Variants in SLC6A9 observed in about 807,000 individuals in gnomAD.
SLC6A9 encodes the protein sodium- and chloride-dependent glycine transporter 1.
In SLC6A9, 31 loss-of-function variants were observed where a neutral mutation model predicts 70.9. That is an observed-to-expected ratio of 0.44 (90% confidence interval 0.33 to 0.59). The LOEUF (loss-of-function observed/expected upper bound fraction) is 0.59, where lower values mean the gene tolerates loss of function less well. Ranked by LOEUF, SLC6A9 falls within the 20% of genes least tolerant of loss-of-function variation. The pLI, the probability that SLC6A9 is intolerant of heterozygous loss-of-function variation, is 0.04. For missense variants in SLC6A9, 631 were observed against 845.2 expected (o/e 0.75, Z 3.14); for synonymous variants, 310 against 341.3 (o/e 0.91, Z 1.01).
intron 12 of SLC6A9, among the ~76,000 whole-genome samples, chr1:43,999,048 T>G (rs1294001298): frequency 6.6e-6 from 1 of 151,684 alleles, no homozygotes; most frequent in African/African-American, 2.4e-5. Flanking sequence ...CAGGGCCATA[T>G]TCTAGAATGC....
chr1:44,027,557 C>A (rs2087004455), intron 1 of SLC6A9, among the ~76,000 whole-genome samples: 1 of 152,220 alleles, frequency 6.6e-6, no homozygotes, highest in Non-Finnish European at 1.5e-5. Context: ...ATTTATTCCA[C>A]AATATTGATT....
At chr1:44,011,648 T>C (rs2086575608) in intron 2 of SLC6A9, 3 of 1,613,798 alleles carry the variant, frequency 1.9e-6, no homozygotes, top group Admixed American at 1.7e-5. Context: ...GGACAGACTC[T>C]GCTAGGGAAG....
chr1:44,030,831 G>T (rs1156806732), intron 1 of SLC6A9, among the ~76,000 whole-genome samples: 1 of 152,140 alleles, frequency 6.6e-6, no homozygotes, highest in Non-Finnish European at 1.5e-5. Flanking sequence ...TGGAGCGAGC[G>T]GGAGCCCGCA....
At chr1:44,030,033 C>T (rs1186704099) in intron 1 of SLC6A9, among the ~76,000 whole-genome samples, 1 of 152,158 alleles carries the variant, frequency 6.6e-6, no homozygotes, top group Non-Finnish European at 1.5e-5. Context: ...AGCAAGCGTC[C>T]CGTCTCCTTT....
At chr1:44,011,386 C>T (rs2086563000) in intron 2 of SLC6A9, among the ~76,000 whole-genome samples, 1 of 151,868 alleles carries the variant, frequency 6.6e-6, no homozygotes, top group Admixed American at 6.5e-5. Flanking sequence ...GAGGTTAGAC[C>T]CCTCCCCCAG....
Position 44,010,819 on chromosome 1 carries a change from T to C in SLC6A9, c.94A>G (p.Asn32Asp). ...CTCGTCAGTACAAACTCGATCTGGTTGCCCCAGTTGCCCCGTTTGAGGTTC... is the reference window on the plus strand; with the variant it reads ...CTCGTCAGTACAAACTCGATCTGGTCGCCCCAGTTGCCCCGTTTGAGGTTC... ...DQNLKRGNWG[N>D]QIEFVLTSVG... The change falls in exon 3 of 14, where the codon AAC becomes GAC. Residue 32 changes from asparagine (N) to aspartate (D), a missense_variant. Transcript: ENST00000372310. 6.2e-7 allele frequency: 1 copy of C among 1,614,198 alleles called. No individual in the cohort carries two copies. The highest frequency in any genetic ancestry group is 8.5e-7 in the Non-Finnish European group (1 of 1,180,002).
At position 44,001,202 on chromosome 1, in the gene SLC6A9, C is replaced by T. The variant is rs765119311; in HGVS notation, c.1297G>A (p.Val433Met). The change falls in exon 10 of 14, where the codon GTG becomes ATG. Residue 433 changes from valine to methionine, a missense_variant. Val to Met is a conservative substitution (Grantham distance 21, BLOSUM62 1). Transcript: ENST00000372310. ...GGGATGCCCAGCAGGAAGCCAGCCA[C>T]AGCCACGCCCAAGGTCACATAGGTC... ...KKTYVTLGVA[V>M]AGFLLGIPLT... 1.3e-5 allele frequency: 21 copies of T among 1,614,246 alleles called. No homozygotes were observed. The highest frequency in any genetic ancestry group is 1.5e-5 in the Non-Finnish European group (18 of 1,180,050).
rs371854699 is a variant in SLC6A9 at position 44,020,401 on chromosome 1, C to T, written c.30+3847G>A. Among the ~76,000 whole-genome samples, 6 of 152,140 alleles carry T rather than the reference C, an allele frequency of 3.9e-5. 1 individual carries two copies. The highest frequency in any genetic ancestry group is 3.3e-4 in the Admixed American group (5 of 15,280). On this transcript the variant is annotated intron_variant, in intron 2 of 13. Coordinates refer to ENST00000372310, the MANE Select transcript of SLC6A9 (RefSeq NM_001024845.3). ...TACTAGGGGAGTACCCCGGGTATGT[C>T]GAATTCTGTGCCAGGTAAGGACCCA...
rs118038015 is a variant in SLC6A9 at position 44,000,708 on chromosome 1, G to C, written c.1536+59C>G. 981 of 1,146,926 alleles carry C rather than the reference G, an allele frequency of 8.6e-4. 14 individuals are homozygous for C. In the East Asian group the frequency reaches 0.018, roughly 21 times the overall value. 71.0% of individuals were successfully genotyped at this position (1,146,926 alleles called of 1,614,324 possible). On this transcript the variant is annotated intron_variant, in intron 12 of 13. Coordinates refer to ENST00000372310, the MANE Select transcript of SLC6A9 (RefSeq NM_001024845.3). ...CCACTGTCCCTCCGCTGGGTCCCAA[G>C]AGATGGACACATGGCCAAGGGGCAG...
Position 44,002,225 on chromosome 1 carries a change from C to A in SLC6A9, c.962+88G>T. 3.3e-6 allele frequency: 3 copies of A among 900,050 alleles called. No individual in the cohort carries two copies. The South Asian group carries it at 4.1e-5, about 12-fold the overall frequency. The allele number at this position is 900,050 out of a possible 1,614,324, so 55.8% of individuals were successfully genotyped here. On this transcript the variant is annotated intron_variant, in intron 8 of 13. Coordinates refer to ENST00000372310, the MANE Select transcript of SLC6A9 (RefSeq NM_001024845.3). This position sits in a 1 kb window ranked among gnomAD's most constrained non-coding sequence, Gnocchi z 5.5. ...TCAAGATCATGAGGGGAAAGGAGGC[C>A]TCGTGGGCCCATGGCTGCACTGGAG...
chr1:44,026,468 G>A (rs1363257462), intron 1 of SLC6A9, among the ~76,000 whole-genome samples: 1 of 152,136 alleles, frequency 6.6e-6, no homozygotes, highest in Non-Finnish European at 1.5e-5. Context: ...AGACCAGCCT[G>A]ACCAATATGG....
In SLC6A9 at chr1:44,022,722, C is replaced by CTTTTTTTTTT. The variant is rs71307650; in HGVS notation, c.30+1516_30+1525dup. Among the ~76,000 whole-genome samples the CTTTTTTTTTT allele has an allele frequency of 1.0e-3, 121 of 118,924 alleles. 3 individuals are homozygous for CTTTTTTTTTT. Among genetic ancestry groups the CTTTTTTTTTT allele is most frequent in the East Asian group, 6.3e-3 (23 of 3,666 alleles). 78.0% of individuals were successfully genotyped at this position (118,924 alleles called of 152,430 possible). ...TTTTTCTTTCTTTCTTTCTTTCTTTCTTTTTTTTTTTTTTGAGACAGAGCC... is the reference window on the plus strand; with the variant it reads ...TTTTTCTTTCTTTCTTTCTTTCTTTCTTTTTTTTTTTTTTTTTTTTTTTTGAGACAGAGCC... On this transcript the variant is annotated intron_variant, in intron 2 of 13. Coordinates refer to ENST00000372310, the MANE Select transcript of SLC6A9 (RefSeq NM_001024845.3).
chr1:44,018,691 G>A lies in SLC6A9; in HGVS notation c.30+5557C>T, dbSNP rs75446222. Among the ~76,000 whole-genome samples, 1,553 of 151,934 alleles carry A rather than the reference G, an allele frequency of 0.01. 22 individuals are homozygous for A. The highest frequency in any genetic ancestry group is 0.036 in the African/African-American group (1,496 of 41,470). The stretch of plus-strand genomic sequence containing the variant: ...AGTGGCTTAGGCCTGTAATGCCAGT[G>A]CTTTGGGAAGCCAAGGCAGGAGGGT... On this transcript the variant is annotated intron_variant, in intron 2 of 13. Coordinates refer to ENST00000372310, the MANE Select transcript of SLC6A9 (RefSeq NM_001024845.3). The surrounding 1 kb of genome is among the most constrained non-coding windows in gnomAD (Gnocchi z 4.2).
At chr1:44,001,096 G>T in intron 10 of SLC6A9, 41 bp from the exon 11 acceptor site, 7 of 1,606,916 alleles carry the variant, frequency 4.4e-6, no homozygotes, top group Non-Finnish European at 5.1e-6. Context: ...CCTGCAGCCC[G>T]GGCTCCCCAA....
At chr1:44,016,741 G>A (rs755557728) in intron 2 of SLC6A9, among the ~76,000 whole-genome samples, 12 of 152,044 alleles carry the variant, frequency 7.9e-5, no homozygotes, top group South Asian at 6.2e-4. Context: ...CCTCCGGCCC[G>A]TCTCCCCGGG....
At chr1:44,000,575 C>T (rs927852332) in intron 12 of SLC6A9, among the ~76,000 whole-genome samples, 192 bp downstream of exon 12, 2 of 152,266 alleles carry the variant, frequency 1.3e-5, no homozygotes, top group Non-Finnish European at 2.9e-5. Context: ...GAGGCCAGGG[C>T]CCAGGCAGCT....
chr1:44,001,290 G>A lies in SLC6A9; in HGVS notation c.1209C>T (p.Leu403=), dbSNP rs768816112. Residue 403 remains leucine, a synonymous_variant, in exon 10 of 14, where the codon CTC becomes CTT. Transcript: ENST00000372310. ...CAATGGCTGTGACCAGCGTCTCCAG[G>A]AGGCAGAACTGCAGGATGTGGCTGT... ...ILLGLGTQFC[L]LETLVTAIVD... 6.2e-7 allele frequency: 1 copy of A among 1,614,120 alleles called. No individual in the cohort carries two copies. The highest frequency in any genetic ancestry group is 1.3e-5 in the African/African-American group (1 of 74,950).
At position 44,000,766 on chromosome 1, in the gene SLC6A9, C is replaced by G; in HGVS notation, c.1536+1G>C. The G allele has an allele frequency of 6.3e-7, 1 of 1,595,890 alleles. No homozygotes were observed. Among genetic ancestry groups the G allele is most frequent in the Non-Finnish European group, 8.6e-7 (1 of 1,168,246 alleles). On this transcript the variant is annotated splice_donor_variant, in intron 12 of 13. Transcript: ENST00000372310. LOFTEE classifies it high-confidence loss of function. Reference sequence around the variant, plus strand: ...AGGGAGGGGCCGGCCAGGGAACTCACGAAGATGATGGCGGGAGAGACGAAG... The same window carrying G: ...AGGGAGGGGCCGGCCAGGGAACTCAGGAAGATGATGGCGGGAGAGACGAAG...
At chr1:43,998,519 G>A (rs1050580945) in intron 12 of SLC6A9, among the ~76,000 whole-genome samples, 1 of 152,168 alleles carries the variant, frequency 6.6e-6, no homozygotes, top group South Asian at 2.1e-4. Context: ...CTATGTCAGT[G>A]CCCTCTCCTT....
Sources: allele counts gnomAD v4.1 joint callset (sites outside exome capture counted in the v4.1 genomes callset), GRCh38; gene constraint gnomAD v4.1.1; non-coding constraint Gnocchi (gnomAD v3.1); transcripts MANE v1.5; gene names NCBI Gene and HGNC (gene_info 2026-07-23, HGNC 2026-07-21).